SNRPN: variants seen among roughly 807,000 people sequenced by gnomAD.
SNRPN encodes the protein small nuclear ribonucleoprotein polypeptide N.
A neutral mutation model predicts 25.2 loss-of-function variants in SNRPN; 7 were observed. The ratio of observed to expected loss-of-function variants is 0.28; its 90% CI spans 0.16 to 0.52. The LOEUF is 0.52. Among genes scored for constraint, SNRPN ranks in the 20% least tolerant of loss-of-function variants. The pLI, the probability that SNRPN is intolerant of heterozygous loss-of-function variation, is 0.96. For missense variants in SNRPN, 196 were observed against 322.5 expected, an observed-to-expected ratio of 0.61 and a Z score of 3.00; for synonymous variants, 124 against 110.6, an observed-to-expected ratio of 1.12 and a Z score of -0.76.
At chr15:24,856,725 C>G (rs893445279) in intron 1 of SNRPN, 1 of 152,210 alleles carries the variant, frequency 6.6e-6, no homozygotes, top group African/African-American at 2.4e-5. Flanking sequence ...TGGTAATATT[C>G]ATTCTTGCTT....
At chr15:24,889,923 G>T (rs992878853) in intron 2 of SNRPN, among the ~76,000 whole-genome samples, 3 of 151,394 alleles carry the variant, frequency 2.0e-5, no homozygotes, top group African/African-American at 7.3e-5. Context: ...GGTGGTACAC[G>T]CTTGTAGTCC....
At chr15:24,902,305 G>T (rs907351458) in intron 2 of SNRPN, among the ~76,000 whole-genome samples, 2 of 152,160 alleles carry the variant, frequency 1.3e-5, no homozygotes, top group African/African-American at 4.8e-5. Flanking sequence ...AATTTCAGAT[G>T]TATAGGAATG....
chr15:24,945,343 TAAA>T (rs11422448), intron 3 of SNRPN, among the ~76,000 whole-genome samples: 1 of 83,730 alleles, frequency 1.2e-5, no homozygotes, highest in African/African-American at 5.0e-5. Flanking sequence ...ACCCACCATG[TAAA>T]AAAAAAAAAA....
intron 1 of SNRPN, among the ~76,000 whole-genome samples, chr15:24,885,864 C>A (rs1275979908): frequency 1.3e-5 from 2 of 152,042 alleles, no homozygotes; most frequent in Non-Finnish European, 2.9e-5. Flanking sequence ...CATACAAATG[C>A]AATGAGTTTA....
intron 1 of SNRPN, among the ~76,000 whole-genome samples, chr15:24,881,672 G>T (rs961806782): frequency 2.6e-5 from 4 of 151,102 alleles, no homozygotes; most frequent in African/African-American, 9.7e-5. Flanking sequence ...AAAAAAAATC[G>T]TGTTCCAGCA....
chr15:24,837,323 C>T (rs892188762), intron 2 of SNRPN, among the ~76,000 whole-genome samples: 2 of 151,756 alleles, frequency 1.3e-5, no homozygotes, highest in Non-Finnish European at 2.9e-5. Context: ...ATGGAAAAAT[C>T]CCGTGGAAAA....
At chr15:24,855,200 AATTT>A (rs1392957065), upstream of SNRPN, among the ~76,000 whole-genome samples, 10 of 152,306 alleles carry the variant, frequency 6.6e-5, no homozygotes, top group Non-Finnish European at 1.5e-4. Context: ...TGATGTGAAT[AATTT>A]ATTTTGCAAT....
At chr15:24,978,073 T>A in intron 8 of SNRPN, 120 bp from the exon 9 acceptor site, 1 of 1,222,338 alleles carries the variant, frequency 8.2e-7, no homozygotes, top group Non-Finnish European at 1.2e-6. Context: ...AATTGTCATA[T>A]AGAAGTTATT....
intron 3 of SNRPN, among the ~76,000 whole-genome samples, chr15:24,923,369 A>G (rs1270771122): frequency 6.6e-6 from 1 of 152,182 alleles, no homozygotes; most frequent in Non-Finnish European, 1.5e-5. Flanking sequence ...TTCAATTCAA[A>G]TGTTGCTCAT....
At chr15:24,837,309 G>C (rs74005365) in intron 2 of SNRPN, among the ~76,000 whole-genome samples, 4,590 of 151,954 alleles carry the variant, frequency 0.03, 256 homozygotes, top group African/African-American at 0.1. Context: ...TGCAGAGCGA[G>C]TAAATGGAAA....
At chr15:24,909,886 G>C (rs1566899526) in intron 2 of SNRPN, 5 of 689,156 alleles carry the variant, frequency 7.3e-6, no homozygotes, top group Non-Finnish European at 1.3e-5. Context: ...AGCGGCGCTG[G>C]GGCAGGGAGA....
upstream of SNRPN, among the ~76,000 whole-genome samples, chr15:24,855,250 AT>A (rs1224026296): frequency 6.6e-6 from 1 of 152,190 alleles, no homozygotes; most frequent in Non-Finnish European, 1.5e-5. Flanking sequence ...TACTACATTC[AT>A]TTGTATAGAT....
chr15:24,953,887 A>G (rs981905418), upstream of SNRPN, among the ~76,000 whole-genome samples: 2 of 152,172 alleles, frequency 1.3e-5, no homozygotes, highest in African/African-American at 4.8e-5. Flanking sequence ...GTTACGATAG[A>G]AGTCAGCATT....
intron 1 of SNRPN, among the ~76,000 whole-genome samples, chr15:24,960,975 T>G (rs1021868452): frequency 6.6e-6 from 1 of 152,210 alleles, no homozygotes; most frequent in Non-Finnish European, 1.5e-5. Flanking sequence ...TGGATTTTCT[T>G]TTTGTTTGTT....
chr15:24,903,616 T>C (rs547929911), intron 2 of SNRPN, among the ~76,000 whole-genome samples: 26 of 152,252 alleles, frequency 1.7e-4, no homozygotes, highest in African/African-American at 6.3e-4. Context: ...GGATTCAGGA[T>C]TGTGGAACCA....
chr15:24,867,259 G>T (rs1233811957), intron 1 of SNRPN, among the ~76,000 whole-genome samples: 1 of 151,956 alleles, frequency 6.6e-6, no homozygotes, highest in East Asian at 1.9e-4. Context: ...GTGTGCAGGG[G>T]TTTCCTTTAC....
intron 3 of SNRPN, 103 bp downstream of exon 3, chr15:24,968,185 G>A: frequency 1.4e-6 from 1 of 734,154 alleles, no homozygotes; most frequent in East Asian, 2.7e-5. Flanking sequence ...TTTCCTTAGA[G>A]CTTCATACAA....
chr15:24,882,834 ATAT>A (rs779346507), intron 1 of SNRPN, among the ~76,000 whole-genome samples: 10 of 126,350 alleles, frequency 7.9e-5, no homozygotes, highest in African/African-American at 2.8e-4. Flanking sequence ...AAAAAAAAAA[ATAT>A]ATATATATAT....
intron 3 of SNRPN, among the ~76,000 whole-genome samples, chr15:24,935,637 A>G (rs2061174726): frequency 6.6e-6 from 1 of 152,204 alleles, no homozygotes; most frequent in Non-Finnish European, 1.5e-5. Flanking sequence ...TGCTTTAAAC[A>G]TGTCATCTCA....
Sources: gnomAD v4.1 joint callset for allele counts (sites outside exome capture counted in the v4.1 genomes callset) on GRCh38, gnomAD v4.1.1 for gene constraint, MANE v1.5 for transcripts, NCBI Gene and HGNC (gene_info 2026-07-23, HGNC 2026-07-21) for gene names.